Variants in DOCK7 observed in about 807,000 individuals in gnomAD.
DOCK7 encodes the protein dedicator of cytokinesis protein 7.
A neutral mutation model predicts 271.0 loss-of-function variants in DOCK7; 138 were observed. The ratio of observed to expected loss-of-function variants is 0.51; its 90% CI spans 0.44 to 0.59. The LOEUF is 0.59. DOCK7 is among the 20% of genes least tolerant of loss of function. The pLI, the probability that DOCK7 is intolerant of heterozygous loss-of-function variation, is 0.00. For missense variants in DOCK7, 2,066 were observed against 2,592.4 expected (o/e 0.80, Z 4.41); for synonymous variants, 823 against 876.1 (o/e 0.94, Z 1.07).
In DOCK7 at chr1:62,558,234, A is replaced by T. The variant is rs1646211520; in HGVS notation, c.2431+755T>A. Among the ~76,000 whole-genome samples, 3 of 152,040 alleles carry T rather than the reference A, an allele frequency of 2.0e-5. No individual in the cohort carries two copies. The South Asian group carries it at 6.2e-4, about 31-fold the overall frequency. ...TGTACATGCTGTTTCATGCTGTTTAATCTCCTTGGAATAATATTTACCTGT... is the reference window on the plus strand; with the variant it reads ...TGTACATGCTGTTTCATGCTGTTTATTCTCCTTGGAATAATATTTACCTGT... On this transcript the variant is annotated intron_variant, in intron 20 of 49. Coordinates refer to ENST00000635253, the MANE Select transcript of DOCK7 (RefSeq NM_001367561.1).
At chr1:62,565,206 A>G (rs1369175217) in intron 18 of DOCK7, among the ~76,000 whole-genome samples, 1 of 152,234 alleles carries the variant, frequency 6.6e-6, no homozygotes, top group Non-Finnish European at 1.5e-5. Flanking sequence ...TTATGAGGCC[A>G]GCATCATCCT....
intron 48 of DOCK7, among the ~76,000 whole-genome samples, chr1:62,463,235 T>G (rs1184184564): frequency 1.3e-5 from 2 of 152,156 alleles, no homozygotes; most frequent in East Asian, 1.9e-4. Flanking sequence ...TTCAACCTCT[T>G]TGGTAATCAG....
intron 7 of DOCK7, among the ~76,000 whole-genome samples, chr1:62,644,802 T>C (rs1052945582): frequency 6.6e-6 from 1 of 152,220 alleles, no homozygotes; most frequent in African/African-American, 2.4e-5. Context: ...GACCTCAAGT[T>C]CTTCCTCACT....
intron 29 of DOCK7, among the ~76,000 whole-genome samples, chr1:62,533,891 G>T (rs1425678377): frequency 1.3e-5 from 2 of 151,708 alleles, no homozygotes; most frequent in Non-Finnish European, 2.9e-5. Flanking sequence ...TATAAACTTG[G>T]ATTATTCCTA....
chr1:62,536,456 T>C (rs1029953487), intron 28 of DOCK7, among the ~76,000 whole-genome samples: 3 of 152,192 alleles, frequency 2.0e-5, no homozygotes, highest in Non-Finnish European at 2.9e-5. Context: ...ATATTTATGA[T>C]TAATCTGTCT....
At chr1:62,497,718 C>G (rs1300346293) in intron 37 of DOCK7, among the ~76,000 whole-genome samples, 1 of 152,214 alleles carries the variant, frequency 6.6e-6, no homozygotes, top group South Asian at 2.1e-4. Flanking sequence ...AGTCTAACCT[C>G]TACCTAGCAC....
At chr1:62,554,273 C>A (rs1646060578) in intron 21 of DOCK7, among the ~76,000 whole-genome samples, 1 of 151,858 alleles carries the variant, frequency 6.6e-6, no homozygotes, top group Non-Finnish European at 1.5e-5. Flanking sequence ...GAGACTGAGA[C>A]CATCCTGGCT....
intron 18 of DOCK7, among the ~76,000 whole-genome samples, chr1:62,562,233 C>CTTTTTTTTTTTTTTTTT (rs59893499): frequency 1.6e-5 from 2 of 121,214 alleles, no homozygotes; most frequent in Non-Finnish European, 1.7e-5. Flanking sequence ...GATCCAAAAA[C>CTTTTTTTTTTTTTTTTT]TTTTTTTTTT....
chr1:62,615,880 A>G (rs567997353), intron 14 of DOCK7, among the ~76,000 whole-genome samples: 4 of 151,774 alleles, frequency 2.6e-5, no homozygotes, highest in Admixed American at 6.6e-5. Flanking sequence ...TTAATATGCT[A>G]TAATTCATTT....
At chr1:62,574,545 G>A (rs1397305846) in intron 18 of DOCK7, among the ~76,000 whole-genome samples, 2 of 152,154 alleles carry the variant, frequency 1.3e-5, no homozygotes, top group Non-Finnish European at 1.5e-5. Flanking sequence ...TTTTAAACCA[G>A]TGCCAGACAT....
At chr1:62,507,524 C>G (rs977515290) in intron 35 of DOCK7, among the ~76,000 whole-genome samples, 1 of 152,178 alleles carries the variant, frequency 6.6e-6, no homozygotes, top group Non-Finnish European at 1.5e-5. Flanking sequence ...ATTGTTACTA[C>G]AGAATACTGC....
At chr1:62,603,058 A>G (rs1650390898) in intron 14 of DOCK7, among the ~76,000 whole-genome samples, 1 of 151,758 alleles carries the variant, frequency 6.6e-6, no homozygotes, top group African/African-American at 2.4e-5. Flanking sequence ...GTACTATTTG[A>G]CCATTTAAAA....
chr1:62,672,060 A>G (rs1370982164), intron 1 of DOCK7, among the ~76,000 whole-genome samples: 1 of 152,008 alleles, frequency 6.6e-6, no homozygotes, highest in Non-Finnish European at 1.5e-5. Context: ...TTCAAACTTC[A>G]CAAAGAGGTG....
At chr1:62,544,437 TTGAG>T (rs1645633393) in intron 23 of DOCK7, among the ~76,000 whole-genome samples, 1 of 152,218 alleles carries the variant, frequency 6.6e-6, no homozygotes, top group Non-Finnish European at 1.5e-5. Flanking sequence ...GCTTCTGGTA[TTGAG>T]TCTTATAGCA....
chr1:62,542,805 A>T, intron 24 of DOCK7, 102 bp from the exon 25 acceptor site: 1 of 1,068,540 alleles, frequency 9.4e-7, no homozygotes, highest in Non-Finnish European at 1.4e-6. Flanking sequence ...GAGAATAAGC[A>T]AAATAAGGCA....
intron 35 of DOCK7, among the ~76,000 whole-genome samples, chr1:62,507,198 T>C (rs914736642): frequency 6.6e-6 from 1 of 152,092 alleles, no homozygotes; most frequent in Admixed American, 6.6e-5. Context: ...AGGTGGCCAT[T>C]GTAATAGCGT....
At chr1:62,609,290 CA>C (rs1477486784) in intron 14 of DOCK7, 1 of 152,070 alleles carries the variant, frequency 6.6e-6, no homozygotes, top group Admixed American at 6.6e-5. Flanking sequence ...ATCTAAAATA[CA>C]AAGGCTGTTT....
chr1:62,686,118 T>TA (rs201040350), intron 1 of DOCK7, among the ~76,000 whole-genome samples: 1 of 150,768 alleles, frequency 6.6e-6, no homozygotes, highest in Non-Finnish European at 1.5e-5. Context: ...CTGGTTCTAA[T>TA]AAGAGAAATT....
intron 14 of DOCK7, among the ~76,000 whole-genome samples, chr1:62,587,453 G>A (rs887913347): frequency 4.6e-5 from 7 of 152,020 alleles, no homozygotes; most frequent in African/African-American, 1.7e-4. Flanking sequence ...GAGTGGTAGG[G>A]CAATATAGAA....
Sources: gnomAD v4.1 joint callset for allele counts (sites outside exome capture counted in the v4.1 genomes callset) on GRCh38, gnomAD v4.1.1 for gene constraint, MANE v1.5 for transcripts, NCBI Gene and HGNC (gene_info 2026-07-23, HGNC 2026-07-21) for gene names.